Variants in INSYN2B observed in about 807,000 individuals in gnomAD.
The protein encoded by INSYN2B is inhibitory synaptic factor family member 2B, also known as protein INSYN2B.
Under a neutral mutation model 41.2 loss-of-function variants are expected in INSYN2B, and 16 were observed. The ratio of observed to expected loss-of-function variants is 0.39; its 90% CI spans 0.26 to 0.59. INSYN2B has a LOEUF of 0.59. INSYN2B is among the 20% of genes least tolerant of loss of function. INSYN2B has a pLI of 0.57. For missense variants in INSYN2B, 608 were observed against 646.4 expected (o/e 0.94, Z 0.64); for synonymous variants, 245 against 244.4 (o/e 1.00, Z -0.02).
rs941432658 is a variant in INSYN2B at position 169,862,518 on chromosome 5, CTG to C, written c.*1753_*1754del. On this transcript the variant is annotated 3_prime_UTR_variant, in exon 4 of 4. Coordinates refer to ENST00000377365, the MANE Select transcript of INSYN2B (RefSeq NM_001129891.3). ...CGTATGGATACAGGAAAAAAAAAAT[CTG>C]TGGCTTTTAGCCAGTGGTAGCATAT... 1.3e-5 allele frequency among the ~76,000 whole-genome samples: 2 copies of C among 151,766 alleles called. No homozygotes were observed. Among genetic ancestry groups the C allele is most frequent in the African/African-American group, 4.8e-5 (2 of 41,256 alleles).
chr5:169,940,383 C>G (rs1187601316), intron 1 of INSYN2B, among the ~76,000 whole-genome samples: 2 of 152,210 alleles, frequency 1.3e-5, no homozygotes, highest in Non-Finnish European at 2.9e-5. Flanking sequence ...GGTCTCCAAC[C>G]TTTTTGGCAC....
chr5:169,968,003 C>T lies in INSYN2B; in HGVS notation c.-919+12274G>A, dbSNP rs367883540. 2.0e-4 allele frequency among the ~76,000 whole-genome samples: 30 copies of T among 152,214 alleles called. No homozygotes were observed. The South Asian group carries it at 3.1e-3, about 16-fold the overall frequency. ...TCTGAGAGGGGAAGGATCATGTTGA[C>T]ATGTTAATATGAGCTGCCCATGAGG... On this transcript the variant is annotated intron_variant, in intron 1 of 3. Coordinates refer to ENST00000377365, the MANE Select transcript of INSYN2B (RefSeq NM_001129891.3).
chr5:169,870,056 T>C (rs1296969736), intron 3 of INSYN2B, among the ~76,000 whole-genome samples: 1 of 152,202 alleles, frequency 6.6e-6, no homozygotes, highest in Non-Finnish European at 1.5e-5. Context: ...ATTCATGGTA[T>C]GTGAGTTGGT....
rs1771553887 is a variant in INSYN2B at position 169,866,309 on chromosome 5, T to C, written c.1422-1850A>G. 2.0e-5 allele frequency among the ~76,000 whole-genome samples: 3 copies of C among 152,176 alleles called. 1 individual carries two copies. The South Asian group carries it at 6.2e-4, about 32-fold the overall frequency. ...CCATCATTATATTAAATTAGAATTG[T>C]ATTGTGGATGAAACATAGGCTGTGG... On this transcript the variant is annotated intron_variant, in intron 3 of 3. Coordinates refer to ENST00000377365, the MANE Select transcript of INSYN2B (RefSeq NM_001129891.3).
In INSYN2B at chr5:169,882,825, C is replaced by G. The variant is rs534029058; in HGVS notation, c.1074G>C (p.Thr358=). 15 of 1,549,990 alleles carry G rather than the reference C, an allele frequency of 9.7e-6. No individual in the cohort carries two copies. The highest frequency in any genetic ancestry group is 9.6e-6 in the Non-Finnish European group (11 of 1,146,130). The stretch of plus-strand genomic sequence containing the variant: ...TGTCTGACTCGGTGGGGTTGTTTGC[C>G]GTCTGCTCCTGACACCCAGGGGCAG... The part of the protein sequence containing the change: ...SKSAPGCQEQ[T]ANNPTESDTL... Residue 358 remains threonine (T), a synonymous_variant, in exon 2 of 4, where the codon ACG becomes ACC. Coordinates refer to ENST00000377365, the MANE Select transcript of INSYN2B (RefSeq NM_001129891.3).
chr5:169,869,651 G>C (rs1157993016), intron 3 of INSYN2B, among the ~76,000 whole-genome samples: 1 of 152,150 alleles, frequency 6.6e-6, no homozygotes, highest in East Asian at 1.9e-4. Flanking sequence ...TTCTTACTTA[G>C]CTACTACACC....
At chr5:169,953,051 C>T (rs1326539689) in intron 1 of INSYN2B, among the ~76,000 whole-genome samples, 5 of 152,122 alleles carry the variant, frequency 3.3e-5, no homozygotes, top group South Asian at 4.1e-4. Context: ...GGGCCAGGCA[C>T]GGTGGCTCAT....
At chr5:169,934,878 C>A in intron 1 of INSYN2B, 1 of 364,562 alleles carries the variant, frequency 2.7e-6, no homozygotes. Context: ...ACAACTTTAA[C>A]CACCTTACAC....
intron 1 of INSYN2B, among the ~76,000 whole-genome samples, chr5:169,925,578 TTAAAAAA>T (rs1201520034): frequency 3.1e-5 from 1 of 32,324 alleles, no homozygotes; most frequent in South Asian, 1.2e-3. Context: ...AGACTCTGTC[TTAAAAAA>T]AAAAAAAAAA....
chr5:169,939,628 T>C (rs575574011), intron 1 of INSYN2B, among the ~76,000 whole-genome samples: 1 of 152,324 alleles, frequency 6.6e-6, no homozygotes, highest in South Asian at 2.1e-4. Flanking sequence ...CATTGTGTTA[T>C]GACATTAGGA....
chr5:169,879,058 T>C (rs921590778), intron 3 of INSYN2B, among the ~76,000 whole-genome samples: 1 of 152,134 alleles, frequency 6.6e-6, no homozygotes, highest in Admixed American at 6.5e-5. Flanking sequence ...CCACATGTCT[T>C]GATAAGAGCA....
At chr5:169,902,886 T>A (rs1581388358) in intron 1 of INSYN2B, among the ~76,000 whole-genome samples, 1 of 151,908 alleles carries the variant, frequency 6.6e-6, no homozygotes, top group African/African-American at 2.4e-5. Context: ...GATCACAAGG[T>A]CAAGAGATCG....
At chr5:169,931,868 TG>T (rs985212973) in intron 1 of INSYN2B, among the ~76,000 whole-genome samples, 9 of 152,356 alleles carry the variant, frequency 5.9e-5, no homozygotes, top group African/African-American at 2.2e-4. Flanking sequence ...CCCTCCTGCC[TG>T]CCCTTCTCTA....
intron 1 of INSYN2B, among the ~76,000 whole-genome samples, chr5:169,895,715 T>C (rs536072873): frequency 2.0e-5 from 3 of 152,250 alleles, no homozygotes; most frequent in African/African-American, 7.2e-5. Flanking sequence ...GGCAAAGCCT[T>C]TCTCTTACAA....
At position 169,952,888 on chromosome 5, in the gene INSYN2B, T is replaced by C. The variant is rs77104629; in HGVS notation, c.-919+27389A>G. Among the ~76,000 whole-genome samples the C allele has an allele frequency of 8.0e-3, 1,223 of 152,270 alleles. 64 individuals carry two copies. In the East Asian group the frequency reaches 0.13, roughly 17 times the overall value. On this transcript the variant is annotated intron_variant, in intron 1 of 3. Transcript: ENST00000377365. ...TAGATACATAAATACTTTGCAGAAG[T>C]CTGGGACAGTGGAACATAGGAAGAG... is the stretch of plus-strand genomic sequence containing the variant.
At chr5:169,892,775 G>C (rs1006976815) in intron 1 of INSYN2B, among the ~76,000 whole-genome samples, 1 of 152,166 alleles carries the variant, frequency 6.6e-6, no homozygotes, top group African/African-American at 2.4e-5. Flanking sequence ...GAGGACAGTA[G>C]AGTGAACATA....
chr5:169,967,373 T>A (rs963280604), intron 1 of INSYN2B, among the ~76,000 whole-genome samples: 1 of 152,236 alleles, frequency 6.6e-6, no homozygotes, highest in Non-Finnish European at 1.5e-5. Context: ...TGCTGAACAA[T>A]GCTTCTGGTA....
At chr5:169,901,685 G>A (rs879262540) in intron 1 of INSYN2B, among the ~76,000 whole-genome samples, 9 of 152,100 alleles carry the variant, frequency 5.9e-5, no homozygotes, top group Non-Finnish European at 1.3e-4. Flanking sequence ...AGTGTGAGGC[G>A]GAAAGATGTA....
rs375077358 is a variant in INSYN2B at position 169,903,965 on chromosome 5, T to TGGCGGGAG, written c.-918-19150_-918-19149insCTCCCGCC. 3.3e-3 allele frequency among the ~76,000 whole-genome samples: 505 copies of TGGCGGGAG among 151,912 alleles called. 4 individuals carry two copies. Among genetic ancestry groups the TGGCGGGAG allele is most frequent in the African/African-American group, 0.011 (463 of 41,416 alleles). On this transcript the variant is annotated intron_variant, in intron 1 of 3. Transcript: ENST00000377365. ...AAATACAAAAATTAGCTGGGCGTGG[T>TGGCGGGAG]CCTGTAATCCCAGTTACTCGGGAGG... is the stretch of plus-strand genomic sequence containing the variant.
Sources: allele counts gnomAD v4.1 joint callset (sites outside exome capture counted in the v4.1 genomes callset), GRCh38; gene constraint gnomAD v4.1.1; transcripts MANE v1.5; gene names NCBI Gene and HGNC (gene_info 2026-07-23, HGNC 2026-07-21).